Variants in CDH8 observed in about 807,000 individuals in gnomAD.
CDH8 encodes the protein cadherin-8.
In CDH8, 17 loss-of-function variants were observed where a neutral mutation model predicts 68.1. That is an observed-to-expected ratio of 0.25 (90% CI 0.17 to 0.37). The LOEUF (loss-of-function observed/expected upper bound fraction) is 0.37. Among genes scored for constraint, CDH8 ranks in the 10% least tolerant of loss-of-function variants. The probability of loss-of-function intolerance (pLI) is 1.00; values close to 1 mark genes in which losing one functional copy is unlikely to be tolerated. For missense variants in CDH8, 763 were observed against 999.3 expected (o/e 0.76, Z 3.19); for synonymous variants, 372 against 365.1 (o/e 1.02, Z -0.21).
chr16:61,856,474 AAGGCTGTTTGTT>A (rs1330588158), intron 4 of CDH8, among the ~76,000 whole-genome samples: 1 of 152,138 alleles, frequency 6.6e-6, no homozygotes, highest in Non-Finnish European at 1.5e-5. Context: ...CTGGTTTAAA[AAGGCTGTTTGTT>A]AGATAACTTA....
At position 62,036,216 on chromosome 16, in the gene CDH8, T is replaced by G. The variant is rs1157553605; in HGVS notation, c.-336A>C. ...GGCAGGCGCCTCCGGATTCCGTTCATGCCTCTCGGAGCTACAGGGCTTGGT... is the reference window on the plus strand; with the variant it reads ...GGCAGGCGCCTCCGGATTCCGTTCAGGCCTCTCGGAGCTACAGGGCTTGGT... On this transcript the variant is annotated 5_prime_UTR_variant, in exon 1 of 12. An upstream start codon of the reference 5' UTR is lost. Transcript: ENST00000577390. 4 of 151,844 alleles carry G rather than the reference T, an allele frequency of 2.6e-5. No individual in the cohort carries two copies. Among genetic ancestry groups the G allele is most frequent in the Non-Finnish European group, 5.9e-5 (4 of 68,160 alleles). The allele number at this position is 151,844 out of a possible 1,614,324, so 9.4% of individuals were successfully genotyped here.
chr16:61,658,798 T>C (rs117219913), intron 10 of CDH8, among the ~76,000 whole-genome samples: 7,081 of 152,244 alleles, frequency 0.047, 231 homozygotes, highest in Non-Finnish European at 0.071. Flanking sequence ...AGAAGTTATA[T>C]TGAAATATTA....
chr16:61,810,953 G>A (rs542234307), intron 7 of CDH8, among the ~76,000 whole-genome samples: 51 of 150,840 alleles, frequency 3.4e-4, no homozygotes, highest in Admixed American at 1.6e-3. Flanking sequence ...GAACCCAAGA[G>A]GCTGAGGTTG....
intron 7 of CDH8, among the ~76,000 whole-genome samples, chr16:61,816,286 G>A (rs1250089265): frequency 2.0e-5 from 3 of 152,110 alleles, no homozygotes; most frequent in Non-Finnish European, 4.4e-5. Context: ...CTTATTTGGG[G>A]TGCTGATTGT....
chr16:61,671,409 T>G (rs1472803701), intron 10 of CDH8, among the ~76,000 whole-genome samples: 1 of 151,036 alleles, frequency 6.6e-6, no homozygotes, highest in Non-Finnish European at 1.5e-5. Flanking sequence ...TACCAGCTGA[T>G]AGCAATTTTC....
intron 10 of CDH8, among the ~76,000 whole-genome samples, chr16:61,710,027 T>C (rs74023230): frequency 0.066 from 10,023 of 152,170 alleles, 1,128 homozygotes; most frequent in African/African-American, 0.23. Flanking sequence ...TGGCTGAGAA[T>C]GATAAGCCAG....
At chr16:61,806,767 A>T in intron 7 of CDH8, among the ~76,000 whole-genome samples, 1 of 41,024 alleles carries the variant, frequency 2.4e-5, no homozygotes, top group Non-Finnish European at 4.6e-5. Context: ...CAAAACCACA[A>T]TGAGATACCA....
chr16:61,901,491 A>G lies in CDH8; in HGVS notation c.253-18T>C, dbSNP rs754144888. The G allele has an allele frequency of 3.3e-5, 52 of 1,593,578 alleles. 1 individual carries two copies. In the South Asian group the frequency reaches 5.8e-4, roughly 18 times the overall value. On this transcript the variant is annotated intron_variant, in intron 2 of 11. Coordinates refer to ENST00000577390, the MANE Select transcript of CDH8 (RefSeq NM_001796.5). ...GTGTGTAGCTGAAATGAAAAATGGCATTAGTTAGTGATGGAGCAATCTGAA... is the reference window on the plus strand; with the variant it reads ...GTGTGTAGCTGAAATGAAAAATGGCGTTAGTTAGTGATGGAGCAATCTGAA...
chr16:61,762,491 A>C (rs1301533398), intron 8 of CDH8, among the ~76,000 whole-genome samples: 1 of 152,196 alleles, frequency 6.6e-6, no homozygotes, highest in African/African-American at 2.4e-5. Flanking sequence ...AACTGTTAAC[A>C]GAAGTTTCCA....
chr16:62,010,267 G>A (rs1234413284), intron 2 of CDH8, among the ~76,000 whole-genome samples: 2 of 152,148 alleles, frequency 1.3e-5, no homozygotes. Context: ...TTCTCATTAT[G>A]AGACCATACC....
intron 2 of CDH8, among the ~76,000 whole-genome samples, chr16:61,959,982 G>GTATATATATATATATATA (rs1434686241): frequency 3.2e-5 from 1 of 31,070 alleles, no homozygotes; most frequent in Non-Finnish European, 7.0e-5. Flanking sequence ...GTGTGTGTGT[G>GTATATATATATATATATA]TGTATATATA....
chr16:62,019,680 G>T (rs1902025273), intron 2 of CDH8, among the ~76,000 whole-genome samples: 1 of 152,070 alleles, frequency 6.6e-6, no homozygotes, highest in African/African-American at 2.4e-5. Context: ...CCCTGAGTTT[G>T]TATCAAGGAT....
chr16:61,734,939 C>A (rs1030450954), intron 8 of CDH8, among the ~76,000 whole-genome samples: 1 of 152,092 alleles, frequency 6.6e-6, no homozygotes, highest in Non-Finnish European at 1.5e-5. Context: ...AAATCAAGGT[C>A]TCAGTGGTGC....
At chr16:61,993,052 T>C (rs1426101561) in intron 2 of CDH8, among the ~76,000 whole-genome samples, 1 of 152,214 alleles carries the variant, frequency 6.6e-6, no homozygotes, top group Non-Finnish European at 1.5e-5. Flanking sequence ...TCCAAAGTAC[T>C]GGGATTACAA....
chr16:61,811,699 T>G (rs1302986112), intron 7 of CDH8, among the ~76,000 whole-genome samples: 4 of 152,220 alleles, frequency 2.6e-5, no homozygotes, highest in African/African-American at 9.6e-5. Flanking sequence ...ATTGAAACAC[T>G]ATTCAATGTG....
At chr16:61,922,094 G>C (rs1030665270) in intron 2 of CDH8, among the ~76,000 whole-genome samples, 2 of 152,010 alleles carry the variant, frequency 1.3e-5, no homozygotes, top group Non-Finnish European at 2.9e-5. Context: ...ATATGCAGCC[G>C]AAGTTGTCCA....
chr16:61,781,558 G>C (rs1961056499), intron 8 of CDH8, among the ~76,000 whole-genome samples: 1 of 152,188 alleles, frequency 6.6e-6, no homozygotes, highest in Non-Finnish European at 1.5e-5. Context: ...GGTGGAGTGA[G>C]CTATGATATA....
intron 10 of CDH8, among the ~76,000 whole-genome samples, chr16:61,699,014 C>T (rs1964375637): frequency 6.6e-6 from 1 of 152,150 alleles, no homozygotes; most frequent in Admixed American, 6.5e-5. Context: ...TTAGAATATA[C>T]TTCAAGTTGG....
At chr16:62,016,390 G>A (rs1052923548) in intron 2 of CDH8, among the ~76,000 whole-genome samples, 2 of 152,184 alleles carry the variant, frequency 1.3e-5, no homozygotes, top group Admixed American at 6.5e-5. Flanking sequence ...ATAAATATTC[G>A]TGGCATGGTT....
Sources: gnomAD v4.1 joint callset for allele counts (sites outside exome capture counted in the v4.1 genomes callset) on GRCh38, gnomAD v4.1.1 for gene constraint, MANE v1.5 for transcripts, NCBI Gene and HGNC (gene_info 2026-07-23, HGNC 2026-07-21) for gene names.